The following PDZRN3 variants were observed in gnomAD, a reference collection of about 807,000 sequenced individuals.
PDZRN3 encodes E3 ubiquitin-protein ligase PDZRN3.
PDZRN3 carries 38 observed loss-of-function variants against 85.7 expected under a neutral mutation model. The ratio of observed to expected loss-of-function variants is 0.44; its 90% CI spans 0.34 to 0.58. PDZRN3 has a LOEUF of 0.58. Ranked by LOEUF, PDZRN3 falls within the 20% of genes least tolerant of loss-of-function variation. The pLI, the probability that PDZRN3 is intolerant of heterozygous loss-of-function variation, is 0.01. For synonymous variants in PDZRN3, 759 were observed against 638.0 expected, an observed-to-expected ratio of 1.19 and a Z score of -2.86; for missense variants, 1,629 against 1,506.4, an observed-to-expected ratio of 1.08 and a Z score of -1.35.
intron 3 of PDZRN3, among the ~76,000 whole-genome samples, chr3:73,518,477 C>G (rs777800204): frequency 6.6e-6 from 1 of 152,042 alleles, no homozygotes; most frequent in Admixed American, 6.5e-5. Context: ...GAATTGTACA[C>G]TTAAAAATGG....
At chr3:73,530,025 T>C (rs1333033048) in intron 3 of PDZRN3, among the ~76,000 whole-genome samples, 1 of 152,234 alleles carries the variant, frequency 6.6e-6, no homozygotes, top group African/African-American at 2.4e-5. Context: ...ATCATCATTA[T>C]TAGCATGATT....
chr3:73,487,106 A>G lies in PDZRN3; in HGVS notation c.919-82711T>C, dbSNP rs189689075. On this transcript the variant is annotated intron_variant, in intron 3 of 9. Coordinates refer to ENST00000263666, the MANE Select transcript of PDZRN3 (RefSeq NM_015009.3). ...ATAGCAATATAATAAAAAATCCACA[A>G]TATTAATTGACTTTTAATAGGGGCA... 6.5e-4 allele frequency among the ~76,000 whole-genome samples: 99 copies of G among 152,318 alleles called. No homozygotes were observed. The Middle Eastern group carries it at 0.01, about 16-fold the overall frequency.
chr3:73,611,147 T>G (rs769165647), intron 1 of PDZRN3, among the ~76,000 whole-genome samples: 1 of 152,180 alleles, frequency 6.6e-6, no homozygotes, highest in Non-Finnish European at 1.5e-5. Context: ...TCCACATGGG[T>G]TAGCAACATC....
chr3:73,574,145 C>T (rs114415765), intron 3 of PDZRN3, among the ~76,000 whole-genome samples: 1,833 of 152,286 alleles, frequency 0.012, 11 homozygotes, highest in Non-Finnish European at 0.014. Context: ...AGGGGGCTCT[C>T]GCCCTGTCCG....
chr3:73,434,022 A>C (rs928401903), intron 3 of PDZRN3: 6 of 1,021,852 alleles, frequency 5.9e-6, no homozygotes, highest in Non-Finnish European at 7.4e-6. Context: ...CACACGCTAT[A>C]TATACTGCTG....
At chr3:73,444,344 G>C (rs1215550063) in intron 3 of PDZRN3, among the ~76,000 whole-genome samples, 1 of 152,260 alleles carries the variant, frequency 6.6e-6, no homozygotes, top group Admixed American at 6.5e-5. Flanking sequence ...AGTTTCTTGA[G>C]GGCATGTCCA....
chr3:73,519,448 T>A (rs115645237), intron 3 of PDZRN3, among the ~76,000 whole-genome samples: 1 of 152,290 alleles, frequency 6.6e-6, no homozygotes, highest in African/African-American at 2.4e-5. Flanking sequence ...GGGGCAAAGA[T>A]GAGAGAAAGA....
intron 3 of PDZRN3, among the ~76,000 whole-genome samples, chr3:73,506,328 C>T (rs889338444): frequency 6.6e-6 from 1 of 152,054 alleles, no homozygotes. Flanking sequence ...CAGGAAAAGG[C>T]AAACCATATT....
intron 3 of PDZRN3, among the ~76,000 whole-genome samples, chr3:73,531,906 T>G (rs1364377618): frequency 6.6e-6 from 1 of 152,232 alleles, no homozygotes; most frequent in East Asian, 1.9e-4. Flanking sequence ...TAGCTGGCCC[T>G]GTGGGGACTC....
At chr3:73,552,524 T>C (rs565269247) in intron 3 of PDZRN3, among the ~76,000 whole-genome samples, 37 of 152,176 alleles carry the variant, frequency 2.4e-4, no homozygotes, top group Non-Finnish European at 4.6e-4. Flanking sequence ...CATATGTTTA[T>C]GGTGTGTATG....
At chr3:73,487,214 G>T (rs1703679768) in intron 3 of PDZRN3, among the ~76,000 whole-genome samples, 1 of 151,920 alleles carries the variant, frequency 6.6e-6, no homozygotes, top group Non-Finnish European at 1.5e-5. Flanking sequence ...ATAGTGTCAG[G>T]TTCTAAAATT....
chr3:73,399,352 C>CT (rs1258017697), intron 5 of PDZRN3, among the ~76,000 whole-genome samples: 1 of 152,178 alleles, frequency 6.6e-6, no homozygotes, highest in African/African-American at 2.4e-5. Context: ...TTCCAGAGAA[C>CT]TGTAGACTGA....
In PDZRN3 at chr3:73,593,122, C is replaced by A. The variant is rs79099116; in HGVS notation, c.918+9232G>T. ...AAAAAAAAAACAGATAAGGTTACTGCTCTCAAAACCCCCATATTTAAAGAT... is the reference window on the plus strand; with the variant it reads ...AAAAAAAAAACAGATAAGGTTACTGATCTCAAAACCCCCATATTTAAAGAT... On this transcript the variant is annotated intron_variant, in intron 3 of 9. Coordinates refer to ENST00000263666, the MANE Select transcript of PDZRN3 (RefSeq NM_015009.3). 4.4e-4 allele frequency among the ~76,000 whole-genome samples: 67 copies of A among 151,340 alleles called. No individual in the cohort carries two copies. The East Asian group carries it at 0.013, about 29-fold the overall frequency.
intron 3 of PDZRN3, among the ~76,000 whole-genome samples, chr3:73,453,196 A>T (rs1408682472): frequency 1.3e-5 from 2 of 152,070 alleles, no homozygotes; most frequent in African/African-American, 4.8e-5. Context: ...TCATGAGGTC[A>T]AGAGATCAAG....
chr3:73,455,016 C>T (rs1226156170), intron 3 of PDZRN3, among the ~76,000 whole-genome samples: 3 of 151,872 alleles, frequency 2.0e-5, no homozygotes, highest in Non-Finnish European at 4.4e-5. Context: ...CCTCTTATTT[C>T]AGACTATTTG....
At chr3:73,560,103 C>A (rs563226899) in intron 3 of PDZRN3, among the ~76,000 whole-genome samples, 1 of 152,346 alleles carries the variant, frequency 6.6e-6, no homozygotes, top group African/African-American at 2.4e-5. Flanking sequence ...AGAGAACCAA[C>A]AATCTGTAGG....
At chr3:73,466,286 T>A (rs1703211692) in intron 3 of PDZRN3, among the ~76,000 whole-genome samples, 1 of 148,344 alleles carries the variant, frequency 6.7e-6, no homozygotes, top group Non-Finnish European at 1.5e-5. Context: ...CCCAAACAAA[T>A]GCAGTTATCA....
intron 3 of PDZRN3, among the ~76,000 whole-genome samples, chr3:73,488,400 C>A (rs1401821974): frequency 6.6e-6 from 1 of 152,174 alleles, no homozygotes; most frequent in Admixed American, 6.5e-5. Flanking sequence ...AGTCACAAAA[C>A]CTTCTTTCAG....
chr3:73,496,987 G>A (rs1173084710), intron 3 of PDZRN3, among the ~76,000 whole-genome samples: 2 of 152,198 alleles, frequency 1.3e-5, no homozygotes, highest in Non-Finnish European at 2.9e-5. Context: ...CACGTGTGCT[G>A]ATGTGGTTAA....
Sources: allele counts gnomAD v4.1 joint callset (sites outside exome capture counted in the v4.1 genomes callset), GRCh38; gene constraint gnomAD v4.1.1; transcripts MANE v1.5; gene names NCBI Gene and HGNC (gene_info 2026-07-23, HGNC 2026-07-21).